The following STK3 variants were observed in gnomAD, a reference collection of about 807,000 sequenced individuals.
STK3 encodes the protein serine/threonine kinase 3.
Under a neutral mutation model 58.0 loss-of-function variants are expected in STK3, and 41 were observed. The ratio of observed to expected loss-of-function variants is 0.71; its 90% CI spans 0.55 to 0.92. The LOEUF (loss-of-function observed/expected upper bound fraction) is 0.92, where lower values mean the gene tolerates loss of function less well. Among genes scored for constraint, STK3 ranks in the 40% least tolerant of loss-of-function variants. The probability of loss-of-function intolerance (pLI) is 0.00; values close to 1 mark genes in which losing one functional copy is unlikely to be tolerated. For synonymous variants in STK3, 170 were observed against 191.0 expected, an observed-to-expected ratio of 0.89 and a Z score of 0.91; for missense variants, 479 against 602.7, an observed-to-expected ratio of 0.79 and a Z score of 2.15.
intron 1 of STK3, among the ~76,000 whole-genome samples, chr8:98,775,372 A>G (rs956370017): frequency 6.6e-6 from 1 of 152,184 alleles, no homozygotes; most frequent in Non-Finnish European, 1.5e-5. Context: ...CAGCTCTGAC[A>G]TATCTTTTCC....
intron 6 of STK3, among the ~76,000 whole-genome samples, chr8:98,687,242 C>T (rs575368198): frequency 1.9e-3 from 296 of 152,234 alleles, no homozygotes; most frequent in African/African-American, 6.7e-3. Context: ...GAACCGGTTT[C>T]GTGGACGACA....
chr8:98,755,797 T>A (rs1226826257), intron 3 of STK3, among the ~76,000 whole-genome samples: 1 of 152,144 alleles, frequency 6.6e-6, no homozygotes, highest in Admixed American at 6.6e-5. Context: ...TAGGTACCAA[T>A]CTGTCTCGCT....
chr8:98,722,344 A>C (rs1291432104), intron 4 of STK3, among the ~76,000 whole-genome samples: 1 of 152,186 alleles, frequency 6.6e-6, no homozygotes, highest in Non-Finnish European at 1.5e-5. Flanking sequence ...TCTCTTTTAA[A>C]TATCAATGGT....
chr8:98,371,670 T>C (rs1817612228), exon 3 of STK3: 1 of 152,166 alleles, frequency 6.6e-6, no homozygotes, highest in South Asian at 2.1e-4. Context: ...CTAGGGATAG[T>C]CCCCACACCT....
intron 6 of STK3, among the ~76,000 whole-genome samples, chr8:98,669,176 T>C (rs1261756778): frequency 6.6e-6 from 1 of 152,020 alleles, no homozygotes; most frequent in Non-Finnish European, 1.5e-5. Context: ...TTTGTATTCT[T>C]ACTAGAGATG....
At chr8:98,616,887 A>C (rs1416348841) in intron 6 of STK3, among the ~76,000 whole-genome samples, 3 of 151,880 alleles carry the variant, frequency 2.0e-5, no homozygotes, top group African/African-American at 7.3e-5. Flanking sequence ...CCCACTGTCA[A>C]CATTAGACAG....
rs936573535 is a variant in STK3, at chr8:98,800,749, G to A, written c.26+24766C>T. Among the ~76,000 whole-genome samples the A allele has an allele frequency of 3.9e-5, 6 of 152,194 alleles. No individual in the cohort carries two copies. Among genetic ancestry groups the A allele is most frequent in the African/African-American group, 1.2e-4 (5 of 41,448 alleles). On this transcript the variant is annotated intron_variant, in intron 1 of 10. Transcript: ENST00000419617. The surrounding 1 kb of genome is among the most constrained non-coding windows in gnomAD (Gnocchi z 4.8). ...GCACCCGGGCCAGCAGCTGCGGAAG[G>A]GGCACCGGGTACCCCAGCACTGCCG...
chr8:98,504,595 A>C (rs778343425), intron 10 of STK3, among the ~76,000 whole-genome samples: 2 of 152,154 alleles, frequency 1.3e-5, no homozygotes, highest in Admixed American at 6.5e-5. Context: ...GTGGTGACAA[A>C]ATCTCTCAGC....
intron 1 of STK3, among the ~76,000 whole-genome samples, chr8:98,934,630 T>C (rs1687507286): frequency 6.6e-6 from 1 of 152,246 alleles, no homozygotes; most frequent in Admixed American, 6.5e-5. Context: ...AGATGACATA[T>C]GTAGGCCGGG....
chr8:98,468,879 G>C (rs550639912), intron 10 of STK3, among the ~76,000 whole-genome samples: 2 of 152,266 alleles, frequency 1.3e-5, no homozygotes, highest in African/African-American at 2.4e-5. Flanking sequence ...GGGAGGCTGA[G>C]GCAGGCGGAT....
intron 1 of STK3, among the ~76,000 whole-genome samples, chr8:98,822,789 G>A (rs570642573): frequency 6.6e-6 from 1 of 152,340 alleles, no homozygotes; most frequent in East Asian, 1.9e-4. Context: ...AGCACTTTAG[G>A]TGGCCGAGGC....
chr8:98,816,783 C>G (rs952372367), intron 1 of STK3, among the ~76,000 whole-genome samples: 1 of 152,142 alleles, frequency 6.6e-6, no homozygotes, highest in African/African-American at 2.4e-5. Flanking sequence ...ATCTACCCAC[C>G]TCGGCCTCCC....
At chr8:98,730,138 C>T (rs1828072100) in intron 4 of STK3, among the ~76,000 whole-genome samples, 1 of 152,190 alleles carries the variant, frequency 6.6e-6, no homozygotes, top group Non-Finnish European at 1.5e-5. Context: ...TGTTCTAAAA[C>T]TGTAACAGTG....
At chr8:98,641,374 A>G (rs930692684) in intron 6 of STK3, among the ~76,000 whole-genome samples, 8 of 152,208 alleles carry the variant, frequency 5.3e-5, no homozygotes, top group Non-Finnish European at 1.0e-4. Context: ...TTTACCTATT[A>G]ATCAGTTCTA....
intron 7 of STK3, among the ~76,000 whole-genome samples, chr8:98,583,229 A>G (rs1478425155): frequency 1.3e-5 from 2 of 152,170 alleles, no homozygotes; most frequent in African/African-American, 4.8e-5. Context: ...ACAATTAAGA[A>G]GTTTACTTAA....
At chr8:98,906,566 T>C (rs1034630555) in intron 1 of STK3, 11 of 152,266 alleles carry the variant, frequency 7.2e-5, no homozygotes, top group Admixed American at 3.3e-4. Flanking sequence ...TTTTGGCCAC[T>C]GATGCAAAGA....
intron 6 of STK3, among the ~76,000 whole-genome samples, chr8:98,606,768 A>G (rs915555475): frequency 7.2e-5 from 11 of 152,190 alleles, no homozygotes; most frequent in African/African-American, 2.7e-4. Flanking sequence ...TCCCTCTCAG[A>G]CAATCATATG....
intron 6 of STK3, among the ~76,000 whole-genome samples, chr8:98,635,737 A>G (rs1290476413): frequency 1.3e-5 from 2 of 152,164 alleles, no homozygotes; most frequent in Admixed American, 6.6e-5. Flanking sequence ...TACATTTTTA[A>G]TCTGTATAAA....
At chr8:98,833,103 C>A (rs952757125) in intron 3 of STK3, among the ~76,000 whole-genome samples, 2 of 152,106 alleles carry the variant, frequency 1.3e-5, no homozygotes, top group African/African-American at 4.8e-5. Flanking sequence ...GGTTGGGTTA[C>A]GCTTGATTTT....
Sources: gnomAD v4.1 joint callset for allele counts (sites outside exome capture counted in the v4.1 genomes callset) on GRCh38, gnomAD v4.1.1 for gene constraint, Gnocchi (gnomAD v3.1) non-coding constraint, MANE v1.5 for transcripts, NCBI Gene and HGNC (gene_info 2026-07-23, HGNC 2026-07-21) for gene names.